Variants in DPYD observed in about 807,000 individuals in gnomAD.
DPYD encodes dihydropyrimidine dehydrogenase [NADP(+)].
A neutral mutation model predicts 116.2 loss-of-function variants in DPYD; 109 were observed. The ratio of observed to expected loss-of-function variants is 0.94; its 90% CI spans 0.80 to 1.10. The LOEUF is 1.10. Ranked by LOEUF, DPYD falls within the 50% of genes least tolerant of loss-of-function variation. The pLI is 0.00. For missense variants in DPYD, 1,302 were observed against 1,254.5 expected, an observed-to-expected ratio of 1.04 and a Z score of -0.57; for synonymous variants, 440 against 432.0, an observed-to-expected ratio of 1.02 and a Z score of -0.23.
chr1:97,229,531 T>A (rs1264292359), intron 19 of DPYD, among the ~76,000 whole-genome samples: 1 of 132,690 alleles, frequency 7.5e-6, no homozygotes, highest in African/African-American at 2.8e-5. Flanking sequence ...ATTTCCCACC[T>A]TATGACCATC....
intron 3 of DPYD, among the ~76,000 whole-genome samples, chr1:97,822,383 G>T (rs1028327728): frequency 6.8e-6 from 1 of 146,322 alleles, no homozygotes; most frequent in Non-Finnish European, 1.5e-5. Context: ...TTCTAAATAT[G>T]AATATATAAA....
intron 7 of DPYD, among the ~76,000 whole-genome samples, chr1:97,689,573 T>C (rs574838376): frequency 2.6e-5 from 4 of 152,182 alleles, no homozygotes; most frequent in Admixed American, 1.3e-4. Flanking sequence ...TCTTACATCA[T>C]ATGCTACACG....
chr1:97,102,662 C>A (rs1459644752), intron 20 of DPYD, among the ~76,000 whole-genome samples: 1 of 151,586 alleles, frequency 6.6e-6, no homozygotes, highest in Non-Finnish European at 1.5e-5. Flanking sequence ...ATTTATTCAA[C>A]AAATACAGTA....
chr1:97,156,983 T>C (rs1449695121), intron 20 of DPYD, among the ~76,000 whole-genome samples: 2 of 150,688 alleles, frequency 1.3e-5, no homozygotes, highest in Admixed American at 6.6e-5. Context: ...TGGATGAAAT[T>C]GGAAATCATC....
At chr1:97,772,901 T>A (rs1666216471) in intron 3 of DPYD, among the ~76,000 whole-genome samples, 1 of 152,228 alleles carries the variant, frequency 6.6e-6, no homozygotes. Flanking sequence ...CTGAAGAGGA[T>A]GGATGGTCTC....
intron 11 of DPYD, among the ~76,000 whole-genome samples, chr1:97,566,767 A>G (rs1479640334): frequency 6.6e-6 from 1 of 152,192 alleles, no homozygotes; most frequent in East Asian, 1.9e-4. Context: ...TTGTTCAAAG[A>G]AAATTTTGCC....
intron 13 of DPYD, among the ~76,000 whole-genome samples, chr1:97,498,151 A>T (rs1679372934): frequency 6.6e-6 from 1 of 151,726 alleles, no homozygotes; most frequent in Non-Finnish European, 1.5e-5. Context: ...TGGATTCCAG[A>T]GGCTGCGGGA....
At chr1:97,215,458 C>T (rs978267024) in intron 19 of DPYD, among the ~76,000 whole-genome samples, 1 of 152,040 alleles carries the variant, frequency 6.6e-6, no homozygotes, top group African/African-American at 2.4e-5. Context: ...AATAGCGTCT[C>T]TAGAGAGCCG....
At chr1:97,772,627 AATG>A (rs1214146905) in intron 3 of DPYD, among the ~76,000 whole-genome samples, 1 of 152,192 alleles carries the variant, frequency 6.6e-6, no homozygotes, top group Non-Finnish European at 1.5e-5. Flanking sequence ...ATTTAAGTAG[AATG>A]ATAACTAGGG....
chr1:97,698,949 A>G (rs765481713), intron 6 of DPYD, among the ~76,000 whole-genome samples: 4 of 152,074 alleles, frequency 2.6e-5, no homozygotes, highest in Non-Finnish European at 5.9e-5. Flanking sequence ...GTAAGACAAC[A>G]TATCTATGTA....
intron 3 of DPYD, among the ~76,000 whole-genome samples, chr1:97,822,107 G>A (rs924767971): frequency 5.3e-5 from 8 of 150,734 alleles, no homozygotes; most frequent in African/African-American, 1.5e-4. Context: ...AAAAGCATAC[G>A]CCTCAAAAAA....
chr1:97,442,236 A>G (rs558220232), intron 14 of DPYD, among the ~76,000 whole-genome samples: 1 of 151,696 alleles, frequency 6.6e-6, no homozygotes, highest in Admixed American at 6.6e-5. Flanking sequence ...TTTGTTTTCT[A>G]TCTCTCAGTG....
chr1:97,913,787 G>C (rs1460396245), intron 1 of DPYD, among the ~76,000 whole-genome samples: 1 of 151,974 alleles, frequency 6.6e-6, no homozygotes, highest in African/African-American at 2.4e-5. Context: ...AAAAGTGCTG[G>C]GGGCTTTGAG....
At chr1:97,656,042 C>T (rs1284658507) in intron 8 of DPYD, among the ~76,000 whole-genome samples, 1 of 152,234 alleles carries the variant, frequency 6.6e-6, no homozygotes, top group South Asian at 2.1e-4. Context: ...ACCTACATTT[C>T]CTGAGCTCTA....
intron 13 of DPYD, among the ~76,000 whole-genome samples, chr1:97,470,605 T>G (rs1391773506): frequency 1.3e-5 from 2 of 152,180 alleles, no homozygotes; most frequent in Non-Finnish European, 2.9e-5. Flanking sequence ...TGCACGAGGA[T>G]ACTGGGAGAA....
chr1:97,700,378 G>A (rs1338799929), intron 5 of DPYD: 1 of 426,690 alleles, frequency 2.3e-6, no homozygotes, highest in Non-Finnish European at 4.6e-6. Context: ...GATCTAAACA[G>A]AAAACCCTAT....
At chr1:97,577,889 A>C (rs1461539852) in intron 10 of DPYD, among the ~76,000 whole-genome samples, 2 of 151,980 alleles carry the variant, frequency 1.3e-5, no homozygotes, top group Non-Finnish European at 2.9e-5. Context: ...CCAGTTGCCC[A>C]GGCTGGAGGG....
At chr1:97,284,545 T>C (rs964296393) in intron 18 of DPYD, among the ~76,000 whole-genome samples, 1 of 152,058 alleles carries the variant, frequency 6.6e-6, no homozygotes, top group African/African-American at 2.4e-5. Context: ...TAATGTGCTG[T>C]TGAATTTAAT....
At chr1:97,839,460 T>G (rs929877138) in intron 2 of DPYD, among the ~76,000 whole-genome samples, 2 of 152,114 alleles carry the variant, frequency 1.3e-5, no homozygotes, top group African/African-American at 4.8e-5. Flanking sequence ...TGTTTCTCAG[T>G]GGGGTCTACT....
Sources: allele counts gnomAD v4.1 joint callset (sites outside exome capture counted in the v4.1 genomes callset), GRCh38; gene constraint gnomAD v4.1.1; transcripts MANE v1.5; gene names NCBI Gene and HGNC (gene_info 2026-07-23, HGNC 2026-07-21).